The following DDX10 variants were observed in gnomAD, a reference collection of about 807,000 sequenced individuals.
DDX10 encodes the protein probable ATP-dependent RNA helicase DDX10.
In DDX10, 74 loss-of-function variants were observed where a neutral mutation model predicts 104.3. The observed-to-expected ratio is 0.71, with a 90% CI of 0.59 to 0.86. DDX10 has a LOEUF of 0.86. DDX10 is among the 40% of genes least tolerant of loss of function. DDX10 has a pLI of 0.00. For synonymous variants in DDX10, 351 were observed against 353.4 expected, an observed-to-expected ratio of 0.99 and a Z score of 0.08; for missense variants, 952 against 1,040.0, an observed-to-expected ratio of 0.92 and a Z score of 1.16.
chr11:108,782,228 C>A (rs1041231183), intron 13 of DDX10, among the ~76,000 whole-genome samples: 35 of 152,122 alleles, frequency 2.3e-4, no homozygotes, highest in Non-Finnish European at 5.9e-5. Context: ...TTGTAGTTCC[C>A]ACAGGCAGTT....
At chr11:108,714,420 G>A (rs989899933) in intron 10 of DDX10, among the ~76,000 whole-genome samples, 38 of 152,046 alleles carry the variant, frequency 2.5e-4, no homozygotes, top group African/African-American at 8.7e-4. Context: ...GATAAAAGAA[G>A]AGTTTTAAAT....
intron 15 of DDX10, among the ~76,000 whole-genome samples, chr11:108,842,430 A>T (rs1453723968): frequency 6.6e-6 from 1 of 152,206 alleles, no homozygotes; most frequent in Non-Finnish European, 1.5e-5. Flanking sequence ...TCTGAGAAGG[A>T]TTCTTAGAGC....
At chr11:108,734,065 C>T (rs978861720) in intron 13 of DDX10, among the ~76,000 whole-genome samples, 1 of 152,168 alleles carries the variant, frequency 6.6e-6, no homozygotes, top group Non-Finnish European at 1.5e-5. Flanking sequence ...CTTCAACCCA[C>T]TGACCTCTGG....
At chr11:108,722,012 A>C (rs1415612489) in intron 12 of DDX10, among the ~76,000 whole-genome samples, 2 of 152,226 alleles carry the variant, frequency 1.3e-5, no homozygotes, top group Non-Finnish European at 2.9e-5. Flanking sequence ...ACAGCATTAC[A>C]TCTGTCAACT....
chr11:108,696,559 A>G (rs887424649), intron 9 of DDX10, among the ~76,000 whole-genome samples: 4 of 152,076 alleles, frequency 2.6e-5, no homozygotes, highest in African/African-American at 9.7e-5. Flanking sequence ...CTCCACTGTT[A>G]TTCTCCTCAG....
intron 16 of DDX10, among the ~76,000 whole-genome samples, chr11:108,888,360 C>G (rs1489579905): frequency 1.3e-5 from 2 of 152,104 alleles, no homozygotes; most frequent in South Asian, 2.1e-4. Flanking sequence ...TATATTCCCC[C>G]CTTCCATTAG....
At chr11:108,905,304 A>C in intron 16 of DDX10, among the ~76,000 whole-genome samples, 1 of 20,916 alleles carries the variant, frequency 4.8e-5, no homozygotes, top group Non-Finnish European at 1.6e-4. Flanking sequence ...GTACTATTAG[A>C]TTGTTTAAGG....
chr11:108,887,722 C>G (rs529001760), intron 16 of DDX10, among the ~76,000 whole-genome samples: 132 of 152,142 alleles, frequency 8.7e-4, no homozygotes, highest in African/African-American at 3.1e-3. Context: ...CCAGACCAGC[C>G]TGGTCAACAT....
intron 16 of DDX10, among the ~76,000 whole-genome samples, chr11:108,875,008 G>A (rs1340699731): frequency 1.3e-5 from 2 of 152,080 alleles, no homozygotes; most frequent in Non-Finnish European, 2.9e-5. Context: ...CACTGTTTGG[G>A]GGATTAAATG....
At chr11:108,691,247 A>G (rs1277430618) in intron 7 of DDX10, among the ~76,000 whole-genome samples, 1 of 152,184 alleles carries the variant, frequency 6.6e-6, no homozygotes, top group Non-Finnish European at 1.5e-5. Context: ...CTTTTGGCCT[A>G]TTTTATAGGA....
intron 16 of DDX10, among the ~76,000 whole-genome samples, chr11:108,885,689 T>C (rs1010121245): frequency 4.6e-5 from 7 of 152,158 alleles, no homozygotes; most frequent in African/African-American, 1.7e-4. Context: ...TTCACAATTT[T>C]AATGGCTCAT....
intron 13 of DDX10, among the ~76,000 whole-genome samples, chr11:108,736,640 G>C (rs11212771): frequency 0.47 from 71,288 of 151,884 alleles, 19,739 homozygotes; most frequent in Non-Finnish European, 0.61. Context: ...TTATAAAAAG[G>C]CTTCTTGTAG....
At chr11:108,832,744 T>C (rs1862489713) in intron 13 of DDX10, among the ~76,000 whole-genome samples, 2 of 152,248 alleles carry the variant, frequency 1.3e-5, no homozygotes, top group Non-Finnish European at 2.9e-5. Context: ...TTTGGAAATA[T>C]ATTTCAAAAT....
chr11:108,758,867 C>T (rs1043861289), intron 13 of DDX10, among the ~76,000 whole-genome samples: 4 of 151,992 alleles, frequency 2.6e-5, no homozygotes, highest in South Asian at 2.1e-4. Flanking sequence ...CACAGGATGC[C>T]AGGATTAGCA....
intron 17 of DDX10, among the ~76,000 whole-genome samples, chr11:108,926,634 T>C (rs1863912944): frequency 6.6e-6 from 1 of 152,202 alleles, no homozygotes; most frequent in African/African-American, 2.4e-5. Context: ...ACATGATACA[T>C]TTTCACTACC....
Position 108,682,906 on chromosome 11 carries a change from T to G in DDX10, c.848+3346T>G, listed in dbSNP as rs140496555. 7.6e-4 allele frequency among the ~76,000 whole-genome samples: 116 copies of G among 152,316 alleles called. 1 individual carries two copies. Among genetic ancestry groups the G allele is most frequent in the African/African-American group, 2.7e-3 (112 of 41,580 alleles). On this transcript the variant is annotated intron_variant, in intron 6 of 17. Transcript: ENST00000322536. ...TTTTTTTCCTCTTCAAAGACATCTT[T>G]GTTGTACTCTAAGTTCCATTATTTC... is the stretch of plus-strand genomic sequence containing the variant.
chr11:108,748,390 T>C (rs1468512558), intron 13 of DDX10, among the ~76,000 whole-genome samples: 1 of 152,172 alleles, frequency 6.6e-6, no homozygotes, highest in African/African-American at 2.4e-5. Context: ...TCAATAGACA[T>C]TGAGACATTG....
chr11:108,865,236 C>G (rs1027485721), intron 16 of DDX10, among the ~76,000 whole-genome samples: 5 of 152,136 alleles, frequency 3.3e-5, no homozygotes, highest in Non-Finnish European at 1.5e-5. Flanking sequence ...ACCCTGATTT[C>G]TCATCCTGGT....
At chr11:108,701,477 A>G (rs982786154) in intron 9 of DDX10, among the ~76,000 whole-genome samples, 4 of 152,160 alleles carry the variant, frequency 2.6e-5, no homozygotes, top group Non-Finnish European at 2.9e-5. Flanking sequence ...AGTGACTAGC[A>G]TATCAGTAGT....
Sources: gnomAD v4.1 joint callset for allele counts (sites outside exome capture counted in the v4.1 genomes callset) on GRCh38, gnomAD v4.1.1 for gene constraint, MANE v1.5 for transcripts, NCBI Gene and HGNC (gene_info 2026-07-23, HGNC 2026-07-21) for gene names.